The following ANTXR2 variants were observed in gnomAD, a reference collection of about 807,000 sequenced individuals.
ANTXR2 encodes the protein ANTXR cell adhesion molecule 2.
A neutral mutation model predicts 73.7 loss-of-function variants in ANTXR2; 44 were observed. That is an observed-to-expected ratio of 0.60 (90% CI 0.47 to 0.77). The LOEUF is 0.77. Ranked by LOEUF, ANTXR2 falls within the 30% of genes least tolerant of loss-of-function variation. The probability of loss-of-function intolerance (pLI) is 0.00; values close to 1 mark genes in which losing one functional copy is unlikely to be tolerated. For missense variants in ANTXR2, 604 were observed against 592.5 expected, an observed-to-expected ratio of 1.02 and a Z score of -0.20; for synonymous variants, 217 against 205.9, an observed-to-expected ratio of 1.05 and a Z score of -0.46.
chr4:80,037,936 A>C (rs1440851291), intron 7 of ANTXR2, among the ~76,000 whole-genome samples: 1 of 152,142 alleles, frequency 6.6e-6, no homozygotes, highest in Non-Finnish European at 1.5e-5. Flanking sequence ...GTCTGTCATC[A>C]GTCCTGAAGG....
intron 12 of ANTXR2, among the ~76,000 whole-genome samples, chr4:80,005,581 A>G (rs558491471): frequency 1.3e-5 from 2 of 152,140 alleles, no homozygotes; most frequent in Non-Finnish European, 2.9e-5. Context: ...ATCCTTTTCC[A>G]CAAGGTTATT....
chr4:80,020,357 G>A (rs1293216782), intron 10 of ANTXR2, among the ~76,000 whole-genome samples: 1 of 151,956 alleles, frequency 6.6e-6, no homozygotes, highest in Non-Finnish European at 1.5e-5. Context: ...CTGCACTCCA[G>A]CTTCAGCAAC....
chr4:80,045,840 A>G (rs1733493523), intron 7 of ANTXR2, among the ~76,000 whole-genome samples: 1 of 151,536 alleles, frequency 6.6e-6, no homozygotes, highest in Non-Finnish European at 1.5e-5. Flanking sequence ...TATTTTTTCT[A>G]TGGCTTCCAA....
In ANTXR2 at chr4:79,935,130, G is replaced by T. The variant is rs990666147; in HGVS notation, c.1429-27663C>A. On this transcript the variant is annotated intron_variant, in intron 16 of 16. Coordinates refer to ENST00000403729, the MANE Select transcript of ANTXR2 (RefSeq NM_058172.6). ...ACTGAATAATGCTGGCCTTTGCTAA[G>T]AAATTTGATAGGTTTGTAACACGCC... is the stretch of plus-strand genomic sequence containing the variant. Among the ~76,000 whole-genome samples the T allele has an allele frequency of 3.2e-4, 48 of 150,222 alleles. 1 individual carries two copies. Among genetic ancestry groups the T allele is most frequent in the African/African-American group, 1.1e-3 (45 of 41,112 alleles).
chr4:80,031,669 G>A lies in ANTXR2; in HGVS notation c.820C>T (p.Leu274Phe), dbSNP rs371917819. ...TTSVKPVSVQ[L>F]NSMLCPAPIL... ...GGTGCAGGACAAAGCATAGAATTAA[G>A]CTGTACACTTACTGGTTTTACACCT... The change falls in exon 10 of 17, where the codon CTT (leucine) becomes TTT (phenylalanine). Residue 274 changes from leucine (L) to phenylalanine (F), a missense_variant. By Grantham distance (22) the Leu-to-Phe change is conservative. Transcript: ENST00000403729. 6.6e-7 allele frequency: 1 copy of A among 1,520,834 alleles called. No individual in the cohort carries two copies. Among genetic ancestry groups the A allele is most frequent in the Non-Finnish European group, 8.8e-7 (1 of 1,141,172 alleles). 94.2% of individuals were successfully genotyped at this position (1,520,834 alleles called of 1,614,324 possible).
In ANTXR2 at chr4:80,052,830, C is replaced by T. The variant is rs1343607594; in HGVS notation, c.636+1442G>A. On this transcript the variant is annotated intron_variant, in intron 7 of 16. Coordinates refer to ENST00000403729, the MANE Select transcript of ANTXR2 (RefSeq NM_058172.6). ...TAAAAATAGAAAAATTAAATGTATC[C>T]AACAAACATAATAAAACAATGATAA... 2.6e-5 allele frequency among the ~76,000 whole-genome samples: 4 copies of T among 151,490 alleles called. No individual in the cohort carries two copies. In the East Asian group the frequency reaches 7.8e-4, roughly 30 times the overall value.
intron 16 of ANTXR2, among the ~76,000 whole-genome samples, chr4:79,952,939 T>C (rs1487195479): frequency 6.6e-6 from 1 of 152,142 alleles, no homozygotes; most frequent in East Asian, 1.9e-4. Flanking sequence ...CAAAATATTA[T>C]ATAATATTAG....
chr4:79,945,567 T>C (rs1728487326), intron 16 of ANTXR2, among the ~76,000 whole-genome samples: 1 of 152,162 alleles, frequency 6.6e-6, no homozygotes, highest in Admixed American at 6.6e-5. Context: ...AATTTTATAT[T>C]TTCTGACTTG....
At chr4:79,992,906 C>A (rs1730539758) in intron 12 of ANTXR2, among the ~76,000 whole-genome samples, 1 of 152,038 alleles carries the variant, frequency 6.6e-6, no homozygotes, top group Non-Finnish European at 1.5e-5. Flanking sequence ...TTTACCAAAT[C>A]ATTTCCATGC....
At chr4:79,964,358 AC>A (rs1729266415) in intron 16 of ANTXR2, among the ~76,000 whole-genome samples, 1 of 152,208 alleles carries the variant, frequency 6.6e-6, no homozygotes, top group Non-Finnish European at 1.5e-5. Context: ...TTACCTTGTT[AC>A]TGCGAAAAAC....
At chr4:79,922,854 T>C (rs1171825946) in intron 16 of ANTXR2, among the ~76,000 whole-genome samples, 1 of 152,088 alleles carries the variant, frequency 6.6e-6, no homozygotes, top group African/African-American at 2.4e-5. Flanking sequence ...TAAGCCAAAA[T>C]GGCTTTCTAA....
chr4:79,908,421 G>T (rs553461761), intron 16 of ANTXR2, among the ~76,000 whole-genome samples: 34 of 152,212 alleles, frequency 2.2e-4, no homozygotes, highest in Admixed American at 6.5e-4. Flanking sequence ...AAATTCAAAA[G>T]CAACAAAACA....
At chr4:79,910,964 C>T (rs950415454) in intron 16 of ANTXR2, among the ~76,000 whole-genome samples, 1 of 137,144 alleles carries the variant, frequency 7.3e-6, no homozygotes, top group Non-Finnish European at 1.6e-5. Flanking sequence ...CTGCTGCCAT[C>T]CGCTTACCAG....
chr4:80,062,654 C>T (rs911388649), intron 3 of ANTXR2, among the ~76,000 whole-genome samples: 1 of 152,130 alleles, frequency 6.6e-6, no homozygotes, highest in Non-Finnish European at 1.5e-5. Flanking sequence ...CATCTTTTCA[C>T]CCCCTCACTG....
chr4:79,949,258 G>A (rs1294197290), intron 16 of ANTXR2, among the ~76,000 whole-genome samples: 1 of 152,120 alleles, frequency 6.6e-6, no homozygotes, highest in Non-Finnish European at 1.5e-5. Context: ...TTACATGTTT[G>A]GGATGACTAA....
intron 16 of ANTXR2, among the ~76,000 whole-genome samples, chr4:79,927,487 T>C (rs764545736): frequency 2.0e-5 from 3 of 152,194 alleles, no homozygotes; most frequent in Non-Finnish European, 4.4e-5. Context: ...AAAATTTGCA[T>C]ATAACCTACC....
At chr4:80,037,965 T>G (rs1733057863) in intron 7 of ANTXR2, among the ~76,000 whole-genome samples, 1 of 152,102 alleles carries the variant, frequency 6.6e-6, no homozygotes, top group South Asian at 2.1e-4. Flanking sequence ...TTAAAACAGA[T>G]CTTATTAAGG....
chr4:79,950,844 C>A (rs912091911), intron 16 of ANTXR2, among the ~76,000 whole-genome samples: 7 of 152,106 alleles, frequency 4.6e-5, no homozygotes, highest in Admixed American at 3.3e-4. Flanking sequence ...TCAAGCTGAA[C>A]TCCATGGAAC....
chr4:80,065,339 C>G (rs1487584382), intron 3 of ANTXR2, among the ~76,000 whole-genome samples: 1 of 152,098 alleles, frequency 6.6e-6, no homozygotes, highest in Non-Finnish European at 1.5e-5. Context: ...TTACCTAACC[C>G]TATAATACAT....
Sources: gnomAD v4.1 joint callset for allele counts (sites outside exome capture counted in the v4.1 genomes callset) on GRCh38, gnomAD v4.1.1 for gene constraint, MANE v1.5 for transcripts, NCBI Gene and HGNC (gene_info 2026-07-23, HGNC 2026-07-21) for gene names.